NARS1: variants seen among roughly 807,000 people sequenced by gnomAD.
NARS1 encodes asparaginyl-tRNA synthetase 1.
Under a neutral mutation model 79.2 loss-of-function variants are expected in NARS1, and 65 were observed. The ratio of observed to expected loss-of-function variants is 0.82; its 90% confidence interval spans 0.67 to 1.01. The LOEUF (loss-of-function observed/expected upper bound fraction) is 1.01, where lower values mean the gene tolerates loss of function less well. Among genes scored for constraint, NARS1 ranks in the 50% least tolerant of loss-of-function variants. The pLI, the probability that NARS1 is intolerant of heterozygous loss-of-function variation, is 0.00. For synonymous variants in NARS1, 229 were observed against 238.8 expected (o/e 0.96, Z 0.38); for missense variants, 649 against 673.8 (o/e 0.96, Z 0.41).
At chr18:57,618,618 C>A (rs1373020864) in intron 2 of NARS1, among the ~76,000 whole-genome samples, 1 of 151,974 alleles carries the variant, frequency 6.6e-6, no homozygotes, top group Admixed American at 6.6e-5. Context: ...AAAGTAAAAC[C>A]CAGCCAGGAG....
chr18:57,611,960 T>C (rs1272857405), intron 5 of NARS1, among the ~76,000 whole-genome samples: 2 of 151,348 alleles, frequency 1.3e-5, no homozygotes, highest in Non-Finnish European at 2.9e-5. Context: ...TCTCACTGAG[T>C]TGCCCAGACT....
At chr18:57,607,408 C>CATA (rs777154121) in intron 8 of NARS1, 36 bp downstream of exon 8, 27 of 1,610,718 alleles carry the variant, frequency 1.7e-5, no homozygotes, top group Non-Finnish European at 2.2e-5. Context: ...CGGCAAAAAA[C>CATA]ATATTCTTTG....
chr18:57,605,947 A>T lies in NARS1; in HGVS notation c.1161T>A (p.Pro387=), dbSNP rs1419898638. 14 of 1,613,430 alleles carry T rather than the reference A, an allele frequency of 8.7e-6. No homozygotes were observed. The East Asian group carries it at 3.1e-4, about 36-fold the overall frequency. The change falls in exon 11 of 14, where the codon CCT becomes CCA. Residue 387 remains proline, a synonymous_variant. Coordinates refer to ENST00000256854, the MANE Select transcript of NARS1 (RefSeq NM_004539.4). ...CATCTGAATAGTTCATCCGTTTGAA[A>T]GGCCGTTTGGGGGGCTGAAAGTTCT... The part of the protein sequence containing the change: ...LNPNFQPPKR[P]FKRMNYSDAI...
At chr18:57,616,699 A>C (rs1908042206) in intron 2 of NARS1, among the ~76,000 whole-genome samples, 2 of 152,056 alleles carry the variant, frequency 1.3e-5, no homozygotes, top group African/African-American at 2.4e-5. Flanking sequence ...TCAACAAAAC[A>C]ATGGTTAAGA....
At chr18:57,617,230 A>G (rs549964194) in intron 2 of NARS1, among the ~76,000 whole-genome samples, 1 of 152,314 alleles carries the variant, frequency 6.6e-6, no homozygotes, top group Non-Finnish European at 1.5e-5. Context: ...CAAGATCTGC[A>G]GCCTGCAAAA....
intron 3 of NARS1, 38 bp from the exon 4 acceptor site, chr18:57,615,768 C>T: frequency 6.2e-7 from 1 of 1,610,370 alleles, no homozygotes; most frequent in South Asian, 1.1e-5. Flanking sequence ...AACATGGTTG[C>T]CAGAGTTCTA....
In NARS1 at chr18:57,607,429, C is replaced by G. The variant is rs376869617; in HGVS notation, c.801+15G>C. 6.2e-7 allele frequency: 1 copy of G among 1,612,516 alleles called. No homozygotes were observed. Among genetic ancestry groups the G allele is most frequent in the South Asian group, 1.1e-5 (1 of 91,064 alleles). ...AAAACATATTCTTTGCAAAAGCTGA[C>G]GAATGCATACTTACTTCATAGTACC... On this transcript the variant is annotated intron_variant, in intron 8 of 13. Coordinates refer to ENST00000256854, the MANE Select transcript of NARS1 (RefSeq NM_004539.4).
intron 11 of NARS1, among the ~76,000 whole-genome samples, chr18:57,605,134 A>AATAT (rs1555683460): frequency 2.2e-4 from 30 of 135,214 alleles, no homozygotes; most frequent in East Asian, 6.2e-4. Flanking sequence ...AAAAAAAAAA[A>AATAT]ATATATATAT....
chr18:57,606,241 C>A (rs2122427322), intron 10 of NARS1, among the ~76,000 whole-genome samples: 1 of 151,278 alleles, frequency 6.6e-6, no homozygotes, highest in East Asian at 2.0e-4. Context: ...CCCAGCTACT[C>A]AGGAGGCTGA....
At position 57,606,691 on chromosome 18, in the gene NARS1, C is replaced by T. The variant is rs1335727149; in HGVS notation, c.1062G>A (p.Leu354=). The change falls in exon 10 of 14, where the codon TTG becomes TTA. Residue 354 remains leucine (L), a synonymous_variant. Transcript: ENST00000256854. ...CTACCACATCACAAACCAAGTCCTC[C>T]AACCGGTTCAGGAGGTCGTCAAAAG... is the stretch of plus-strand genomic sequence containing the variant. ...FLTFDDLLNR[L]EDLVCDVVDR... 6.2e-7 allele frequency: 1 copy of T among 1,614,130 alleles called. No individual in the cohort carries two copies. Among genetic ancestry groups the T allele is most frequent in the South Asian group, 1.1e-5 (1 of 91,086 alleles).
chr18:57,606,978 G>T (rs1013428055), intron 9 of NARS1, 156 bp downstream of exon 9: 4 of 944,616 alleles, frequency 4.2e-6, no homozygotes, highest in East Asian at 2.5e-5. Flanking sequence ...ACTTAGCTAC[G>T]ATCTAAGGTG....
chr18:57,617,504 G>A (rs1368878815), intron 2 of NARS1, among the ~76,000 whole-genome samples: 6 of 148,984 alleles, frequency 4.0e-5, no homozygotes, highest in East Asian at 2.0e-4. Flanking sequence ...CCTGGGAGGC[G>A]GAGCTTGCAG....
chr18:57,621,816 TG>T lies in NARS1; in HGVS notation c.-100del. On this transcript the variant is annotated 5_prime_UTR_variant, in exon 1 of 14. The change abolishes the stop of an existing upstream ORF in the 5' untranslated region. Transcript: ENST00000256854. ...CCGGCGGTTTCCGCGATTCCGGCGT[TG>T]CATCAGAGAGCGTAGATCTGAGGGC... 6.3e-7 allele frequency: 1 copy of T among 1,593,384 alleles called. No homozygotes were observed.
At chr18:57,616,967 A>G (rs1908060505) in intron 2 of NARS1, among the ~76,000 whole-genome samples, 1 of 150,366 alleles carries the variant, frequency 6.7e-6, no homozygotes, top group Non-Finnish European at 1.5e-5. Context: ...AAAAAAAAAA[A>G]AAAAAAAAAG....
intron 6 of NARS1, 139 bp from the exon 7 acceptor site, chr18:57,609,582 C>G (rs1348195480): frequency 4.8e-6 from 3 of 622,534 alleles, no homozygotes; most frequent in African/African-American, 1.9e-5. Flanking sequence ...GCCACTGATT[C>G]TTAATATTAA....
chr18:57,616,038 A>G (rs746397597), intron 2 of NARS1, 63 bp from the exon 3 acceptor site: 2 of 1,412,922 alleles, frequency 1.4e-6, no homozygotes, highest in East Asian at 4.6e-5. Context: ...AATCAAAATA[A>G]CATCTCAAGT....
At position 57,611,745 on chromosome 18, in the gene NARS1, T is replaced by A. The variant is rs776767217; in HGVS notation, c.422-38A>T. On this transcript the variant is annotated intron_variant, in intron 5 of 13. Coordinates refer to ENST00000256854, the MANE Select transcript of NARS1 (RefSeq NM_004539.4). ...AAATAATAATTTAGGCAGACTGTTC[T>A]CAAGGCATTAAATTTTATATATATA... 7 of 1,253,634 alleles carry A rather than the reference T, an allele frequency of 5.6e-6. No individual in the cohort carries two copies. The South Asian group carries it at 1.1e-4, about 20-fold the overall frequency. 77.7% of individuals were successfully genotyped at this position (1,253,634 alleles called of 1,614,324 possible).
At chr18:57,620,361 C>T (rs1419394065) in intron 2 of NARS1, among the ~76,000 whole-genome samples, 2 of 151,396 alleles carry the variant, frequency 1.3e-5, no homozygotes, top group Non-Finnish European at 3.0e-5. Context: ...AAGAAGAGAC[C>T]TTTTTTCAAA....
rs763281370 is a variant in NARS1, at chr18:57,607,543, G to A, written c.702C>T (p.His234=). ...SDVDVQLNNR[H]MMIRGENMSK... ...ACATGTTTTCTCCTCGGATCATCAT[G>A]TGTCTGTTGTTGAGCTGGACATCAA... The change falls in exon 8 of 14, where the codon CAC becomes CAT. Residue 234 remains histidine, a synonymous_variant. Coordinates refer to ENST00000256854, the MANE Select transcript of NARS1 (RefSeq NM_004539.4). 3 of 1,614,134 alleles carry A rather than the reference G, an allele frequency of 1.9e-6. No individual in the cohort carries two copies. In the South Asian group the frequency reaches 3.3e-5, roughly 18 times the overall value.
Sources: allele counts gnomAD v4.1 joint callset (sites outside exome capture counted in the v4.1 genomes callset), GRCh38; gene constraint gnomAD v4.1.1; transcripts MANE v1.5; gene names NCBI Gene and HGNC (gene_info 2026-07-23, HGNC 2026-07-21).